The following ZNF789 variants were observed in gnomAD, a reference collection of about 807,000 sequenced individuals.
ZNF789 encodes the protein zinc finger protein 789.
In ZNF789, 11 loss-of-function variants were observed where a neutral mutation model predicts 15.6. The ratio of observed to expected loss-of-function variants is 0.70; its 90% CI spans 0.44 to 1.16. The LOEUF (loss-of-function observed/expected upper bound fraction) is 1.16. Among genes scored for constraint, ZNF789 ranks in the 50% most tolerant of loss-of-function variants. ZNF789 has a pLI of 0.00. For synonymous variants in ZNF789, 159 were observed against 176.0 expected (o/e 0.90, Z 0.76); for missense variants, 461 against 512.6 (o/e 0.90, Z 0.97).
At chr7:99,474,390 C>T (rs1041769661) in intron 1 of ZNF789, among the ~76,000 whole-genome samples, 2 of 152,246 alleles carry the variant, frequency 1.3e-5, no homozygotes, top group East Asian at 1.9e-4. Flanking sequence ...GTCAGGAGAT[C>T]AAGACCATCC....
At position 99,483,631 on chromosome 7, in the gene ZNF789, A is replaced by T. The variant is rs1021262283; in HGVS notation, c.152-399A>T. ...AGAGCAAGACTCTGTCTCAAAAATAAAAAAAATAAACAATTGAATACAAGG... is the reference window on the plus strand; with the variant it reads ...AGAGCAAGACTCTGTCTCAAAAATATAAAAAATAAACAATTGAATACAAGG... On this transcript the variant is annotated intron_variant, in intron 3 of 4. Coordinates refer to ENST00000331410, the MANE Select transcript of ZNF789 (RefSeq NM_213603.3). 8 of 746,742 alleles carry T rather than the reference A, an allele frequency of 1.1e-5. No homozygotes were observed. In the African/African-American group the frequency reaches 1.4e-4, roughly 13 times the overall value. The allele number at this position is 746,742 out of a possible 1,614,324, so 46.3% of individuals were successfully genotyped here. A position where few individuals can be genotyped will look rare whatever the true frequency, so the allele number is the denominator to read the frequency against.
intron 4 of ZNF789, chr7:99,485,410 G>C (rs753000897): frequency 1.3e-5 from 9 of 671,990 alleles, no homozygotes; most frequent in African/African-American, 3.5e-5. Flanking sequence ...TCCAAACCCT[G>C]TTCACCCCTA....
At chr7:99,482,128 T>C (rs1799666689) in intron 3 of ZNF789, 3 of 779,714 alleles carry the variant, frequency 3.8e-6, no homozygotes, top group Non-Finnish European at 2.4e-6. Flanking sequence ...TTCTTCAAGC[T>C]ACGCTTGATT....
intron 1 of ZNF789, among the ~76,000 whole-genome samples, chr7:99,473,821 A>G (rs546430828): frequency 8.5e-4 from 129 of 152,206 alleles, no homozygotes; most frequent in African/African-American, 3.0e-3. Context: ...GGGTTTCACT[A>G]TGTTGGCCAG....
At chr7:99,476,737 A>C (rs1446974238) in intron 2 of ZNF789, among the ~76,000 whole-genome samples, 1 of 152,216 alleles carries the variant, frequency 6.6e-6, no homozygotes, top group Non-Finnish European at 1.5e-5. Context: ...ACACCCTGTG[A>C]AGTCCTTTGT....
At chr7:99,478,673 G>A in intron 2 of ZNF789, 1 of 327,182 alleles carries the variant, frequency 3.1e-6, no homozygotes, top group South Asian at 2.4e-5. Context: ...CAGCTTCAGT[G>A]CTCAGCCCAC....
chr7:99,484,103 G>A lies in ZNF789; in HGVS notation c.225G>A (p.Pro75=), dbSNP rs561415929. The change falls in exon 4 of 5, where the codon CCG becomes CCA. Residue 75 remains proline (P), a synonymous_variant. Transcript: ENST00000331410. The part of the protein sequence containing the change: ...NWDEQWILDL[P]RTGNRKASGS... Reference sequence around the variant, plus strand: ...ACGAGCAGTGGATCCTGGATCTACCGAGAACTGGGAATAGGAAGGCTTCCG... The same window carrying A: ...ACGAGCAGTGGATCCTGGATCTACCAAGAACTGGGAATAGGAAGGCTTCCG... 2.9e-5 allele frequency: 47 copies of A among 1,614,050 alleles called. No individual in the cohort carries two copies. Among genetic ancestry groups the A allele is most frequent in the African/African-American group, 2.5e-4 (19 of 74,982 alleles).
chr7:99,483,615 C>T, intron 3 of ZNF789: 1 of 701,960 alleles, frequency 1.4e-6, no homozygotes, highest in East Asian at 2.7e-5. Flanking sequence ...CAGAGCAAGA[C>T]TCTGTCTCAA....
intron 3 of ZNF789, chr7:99,480,377 C>T (rs1207641704): frequency 2.6e-5 from 4 of 152,336 alleles, no homozygotes; most frequent in African/African-American, 9.7e-5. Flanking sequence ...GGCACCACTC[C>T]AAACCCTACT....
intron 3 of ZNF789, 105 bp downstream of exon 3, chr7:99,479,892 G>A (rs187339753): frequency 1.4e-5 from 20 of 1,445,848 alleles, no homozygotes; most frequent in East Asian, 1.2e-4. Context: ...GGTGAAAACC[G>A]AAAGGTTTTT....
chr7:99,480,732 C>T (rs1380904768), intron 3 of ZNF789: 2 of 152,242 alleles, frequency 1.3e-5, no homozygotes, highest in Non-Finnish European at 2.9e-5. Context: ...TTTCAACCAA[C>T]TTCATTTCTG....
intron 3 of ZNF789, chr7:99,482,189 C>T (rs754343350): frequency 5.1e-6 from 4 of 779,194 alleles, no homozygotes; most frequent in Admixed American, 3.4e-5. Flanking sequence ...TGCTGCAATA[C>T]CACTGTGCTG....
chr7:99,484,211 C>T (rs1174540639), intron 4 of ZNF789, 68 bp downstream of exon 4: 1 of 1,267,042 alleles, frequency 7.9e-7, no homozygotes, highest in Non-Finnish European at 1.1e-6. Flanking sequence ...AGTGAAGCCC[C>T]TTCTGTGTGC....
intron 4 of ZNF789, among the ~76,000 whole-genome samples, chr7:99,485,589 T>C (rs906271758): frequency 7.2e-5 from 11 of 152,170 alleles, no homozygotes; most frequent in Non-Finnish European, 4.4e-5. Flanking sequence ...CCCAACACTT[T>C]TGGAGGCCGA....
Position 99,484,040 on chromosome 7 carries a change from T to A in ZNF789, c.162T>A (p.Phe54Leu). 6.2e-7 allele frequency: 1 copy of A among 1,614,088 alleles called. No homozygotes were observed. Among genetic ancestry groups the A allele is most frequent in the Non-Finnish European group, 8.5e-7 (1 of 1,180,000 alleles). The change falls in exon 4 of 5, where the codon TTT becomes TTA. Residue 54 changes from phenylalanine (F) to leucine (L), a missense_variant. Coordinates refer to ENST00000331410, the MANE Select transcript of ZNF789 (RefSeq NM_213603.3). The part of the protein sequence containing the change: ...YRNMVLLGFQ[F>L]PKPEMICQLE... ...CTTCCCCATGAGTAGGATTTCAGTT[T>A]CCCAAACCTGAGATGATCTGTCAGC... is the stretch of plus-strand genomic sequence containing the variant.
intron 3 of ZNF789, chr7:99,481,514 A>G (rs994258104): frequency 2.0e-5 from 3 of 152,290 alleles, no homozygotes; most frequent in South Asian, 2.1e-4. Context: ...CAGGAGTACA[A>G]TGGCAGGATC....
At chr7:99,483,515 C>T in intron 3 of ZNF789, 2 of 524,146 alleles carry the variant, frequency 3.8e-6, no homozygotes, top group African/African-American at 1.9e-5. Context: ...CCTGTAGTTC[C>T]AGCTACTTGG....
intron 1 of ZNF789, 82 bp from the exon 2 acceptor site, chr7:99,476,321 C>A: frequency 1.1e-6 from 1 of 874,194 alleles, no homozygotes; most frequent in Non-Finnish European, 1.7e-6. Context: ...CTGTGTGCCC[C>A]GTTGGAATTC....
chr7:99,486,855 G>T lies in ZNF789; in HGVS notation c.645G>T (p.Trp215Cys), dbSNP rs770077085. Residue 215 changes from tryptophan to cysteine, a missense_variant, in exon 5 of 5, where the codon TGG becomes TGT. Transcript: ENST00000331410. ...ECGKVIRRKAWFDQHQRIHFL... is the reference protein window; with the variant it reads ...ECGKVIRRKACFDQHQRIHFL... ...GAAAAGTCATTAGGCGTAAGGCATG[G>T]TTTGATCAACATCAAAGAATTCACT... 1.2e-6 allele frequency: 2 copies of T among 1,614,136 alleles called. No homozygotes were observed. Among genetic ancestry groups the T allele is most frequent in the Non-Finnish European group, 8.5e-7 (1 of 1,180,034 alleles).
Sources: allele counts gnomAD v4.1 joint callset (sites outside exome capture counted in the v4.1 genomes callset), GRCh38; gene constraint gnomAD v4.1.1; transcripts MANE v1.5; gene names NCBI Gene and HGNC (gene_info 2026-07-23, HGNC 2026-07-21).